Variants in NRG3 observed in about 807,000 individuals in gnomAD.
The protein encoded by NRG3 is neuregulin 3.
In NRG3, 31 loss-of-function variants were observed where a neutral mutation model predicts 66.9. The observed-to-expected ratio is 0.46, with a 90% CI of 0.35 to 0.63. The LOEUF (loss-of-function observed/expected upper bound fraction) is 0.63. NRG3 is among the 20% of genes least tolerant of loss of function. The pLI is 0.00. For synonymous variants in NRG3, 393 were observed against 359.4 expected (o/e 1.09, Z -1.06); for missense variants, 910 against 878.9 (o/e 1.04, Z -0.45).
At chr10:82,632,269 G>A (rs1287940819) in intron 2 of NRG3, among the ~76,000 whole-genome samples, 3 of 151,956 alleles carry the variant, frequency 2.0e-5, no homozygotes, top group African/African-American at 4.8e-5. Flanking sequence ...TGGGCATATC[G>A]TATACTCTGG....
At chr10:82,960,081 A>G (rs1373881524) in intron 6 of NRG3, among the ~76,000 whole-genome samples, 1 of 152,340 alleles carries the variant, frequency 6.6e-6, no homozygotes, top group Non-Finnish European at 1.5e-5. Context: ...CTGGAAATTT[A>G]TACATCACTG....
chr10:82,519,623 G>A (rs1306399643), intron 2 of NRG3, among the ~76,000 whole-genome samples: 1 of 152,084 alleles, frequency 6.6e-6, no homozygotes, highest in Non-Finnish European at 1.5e-5. Context: ...TCTGTTTTGT[G>A]TATTCAAGCA....
At chr10:82,699,514 T>C (rs755489181) in intron 2 of NRG3, among the ~76,000 whole-genome samples, 7 of 152,232 alleles carry the variant, frequency 4.6e-5, no homozygotes, top group Middle Eastern at 6.8e-3. Context: ...AAGCTAGCCT[T>C]AAGACCTCGT....
At chr10:82,791,599 G>T (rs1436903749) in intron 3 of NRG3, among the ~76,000 whole-genome samples, 1 of 152,128 alleles carries the variant, frequency 6.6e-6, no homozygotes, top group African/African-American at 2.4e-5. Flanking sequence ...AGGGCCTGCT[G>T]GGATCTTTCC....
intron 1 of NRG3, among the ~76,000 whole-genome samples, chr10:81,906,865 A>C (rs928117199): frequency 1.3e-5 from 2 of 152,152 alleles, no homozygotes; most frequent in Non-Finnish European, 2.9e-5. Context: ...AGGAGTTCTG[A>C]TTTCAAAGAT....
intron 4 of NRG3, among the ~76,000 whole-genome samples, chr10:82,904,055 C>A (rs576831598): frequency 6.6e-6 from 1 of 152,102 alleles, no homozygotes; most frequent in African/African-American, 2.4e-5. Flanking sequence ...TTTTTTTCAA[C>A]AAATATGCAG....
At chr10:82,453,620 C>T (rs1018357194) in intron 2 of NRG3, among the ~76,000 whole-genome samples, 1 of 150,526 alleles carries the variant, frequency 6.6e-6, no homozygotes, top group African/African-American at 2.4e-5. Context: ...CACCTGGTGT[C>T]TATACTATGA....
chr10:82,335,818 C>A (rs1350785544), intron 1 of NRG3, among the ~76,000 whole-genome samples: 1 of 152,118 alleles, frequency 6.6e-6, no homozygotes, highest in African/African-American at 2.4e-5. Flanking sequence ...ACATATCACA[C>A]TAAAGCACTG....
At chr10:81,997,836 G>T (rs1422420107) in intron 1 of NRG3, among the ~76,000 whole-genome samples, 2 of 148,570 alleles carry the variant, frequency 1.3e-5, no homozygotes, top group East Asian at 4.0e-4. Context: ...TTGTCTATAT[G>T]TCTGCCCCCC....
At chr10:82,034,346 C>T (rs933423408) in intron 1 of NRG3, among the ~76,000 whole-genome samples, 16 of 152,092 alleles carry the variant, frequency 1.1e-4, no homozygotes, top group African/African-American at 3.6e-4. Context: ...TATGTTGGCA[C>T]CTGTATGTTC....
At chr10:82,469,219 C>A (rs903836283) in intron 2 of NRG3, among the ~76,000 whole-genome samples, 1 of 152,164 alleles carries the variant, frequency 6.6e-6, no homozygotes, top group African/African-American at 2.4e-5. Context: ...CCCTCCCTTC[C>A]TTCCGCTTTC....
At chr10:81,877,232 C>A (rs1191334886) in intron 1 of NRG3, among the ~76,000 whole-genome samples, 1 of 152,172 alleles carries the variant, frequency 6.6e-6, no homozygotes, top group South Asian at 2.1e-4. Flanking sequence ...CCCACCCCAA[C>A]CCCCACCTTG....
At chr10:82,526,291 G>A (rs1846688056) in intron 2 of NRG3, among the ~76,000 whole-genome samples, 1 of 151,156 alleles carries the variant, frequency 6.6e-6, no homozygotes, top group Admixed American at 6.6e-5. Context: ...AAAAATTAAT[G>A]AAAATATTAA....
intron 7 of NRG3, among the ~76,000 whole-genome samples, chr10:82,976,299 G>A (rs1021207873): frequency 8.6e-5 from 13 of 152,028 alleles, no homozygotes; most frequent in African/African-American, 1.9e-4. Context: ...CAGGTGATCC[G>A]CCCGCCTCAG....
At chr10:82,772,223 G>A (rs2059738476) in intron 3 of NRG3, among the ~76,000 whole-genome samples, 1 of 152,096 alleles carries the variant, frequency 6.6e-6, no homozygotes, top group African/African-American at 2.4e-5. Context: ...TTACTCTAGT[G>A]AAACAGATTA....
chr10:82,550,469 T>C (rs1348063026), intron 2 of NRG3, among the ~76,000 whole-genome samples: 1 of 152,142 alleles, frequency 6.6e-6, no homozygotes, highest in Non-Finnish European at 1.5e-5. Context: ...CCAATAGGAC[T>C]CTTCTTTCCA....
At chr10:82,725,808 A>G (rs1304091205) in intron 2 of NRG3, among the ~76,000 whole-genome samples, 1 of 152,166 alleles carries the variant, frequency 6.6e-6, no homozygotes, top group Non-Finnish European at 1.5e-5. Context: ...GCAACACTAC[A>G]TATAGTAGAA....
At chr10:82,937,185 T>C (rs928976893) in intron 4 of NRG3, among the ~76,000 whole-genome samples, 18 of 152,296 alleles carry the variant, frequency 1.2e-4, no homozygotes, top group African/African-American at 4.1e-4. Flanking sequence ...TTACAATGGG[T>C]TCTATGATAT....
At chr10:82,881,384 G>A (rs1054417364) in intron 4 of NRG3, among the ~76,000 whole-genome samples, 1 of 152,184 alleles carries the variant, frequency 6.6e-6, no homozygotes, top group African/African-American at 2.4e-5. Context: ...AATAACAGCT[G>A]TGTCTTTATC....
Sources: gnomAD v4.1 joint callset for allele counts (sites outside exome capture counted in the v4.1 genomes callset) on GRCh38, gnomAD v4.1.1 for gene constraint, MANE v1.5 for transcripts, NCBI Gene and HGNC (gene_info 2026-07-23, HGNC 2026-07-21) for gene names.